The following CDK6 variants were observed in gnomAD, a reference collection of about 807,000 sequenced individuals.
CDK6 encodes the protein cyclin-dependent kinase 6.
In CDK6, 6 loss-of-function variants were observed where a neutral mutation model predicts 37.1. The observed-to-expected ratio is 0.16, with a 90% CI of 0.09 to 0.32. The LOEUF is 0.32. CDK6 is among the 10% of genes least tolerant of loss of function. The pLI is 1.00. For synonymous variants in CDK6, 160 were observed against 161.3 expected, an observed-to-expected ratio of 0.99 and a Z score of 0.06; for missense variants, 224 against 418.9, an observed-to-expected ratio of 0.53 and a Z score of 4.06.
rs534565245 is a variant in CDK6, at chr7:92,727,355, T to C, written c.370-1562A>G. 2.0e-5 allele frequency among the ~76,000 whole-genome samples: 3 copies of C among 152,264 alleles called. No homozygotes were observed. In the East Asian group the frequency reaches 5.8e-4, roughly 29 times the overall value. ...AGTATATTTGGTTACTGGTTTATGG[T>C]TTTGGTTCTTCCTTTAGAGTTCGGA... On this transcript the variant is annotated intron_variant, in intron 3 of 7. Coordinates refer to ENST00000424848, the MANE Select transcript of CDK6 (RefSeq NM_001145306.2).
At chr7:92,723,432 G>A (rs534459234) in intron 4 of CDK6, among the ~76,000 whole-genome samples, 1 of 152,178 alleles carries the variant, frequency 6.6e-6, no homozygotes, top group South Asian at 2.1e-4. Flanking sequence ...GTATTTCCAG[G>A]AAGAGGAGTG....
At position 92,632,462 on chromosome 7, in the gene CDK6, TA is replaced by T. The variant is rs1212235075; in HGVS notation, c.648-9377del. Among the ~76,000 whole-genome samples the T allele has an allele frequency of 5.3e-5, 8 of 152,262 alleles. No homozygotes were observed. The East Asian group carries it at 1.5e-3, about 29-fold the overall frequency. ...AAGACTGATTTTCTCATTTTTTCCT[TA>T]AAAAATTATAATGTGCTCAACATAT... On this transcript the variant is annotated intron_variant, in intron 5 of 7. Coordinates refer to ENST00000424848, the MANE Select transcript of CDK6 (RefSeq NM_001145306.2).
intron 2 of CDK6, among the ~76,000 whole-genome samples, chr7:92,784,134 T>C (rs753997351): frequency 1.2e-4 from 18 of 152,118 alleles, no homozygotes; most frequent in African/African-American, 3.4e-4. Context: ...AAATGCGATT[T>C]GTTGTCTTGC....
At chr7:92,780,912 T>G (rs937289295) in intron 2 of CDK6, among the ~76,000 whole-genome samples, 1 of 152,154 alleles carries the variant, frequency 6.6e-6, no homozygotes, top group African/African-American at 2.4e-5. Flanking sequence ...TTTTAAAAAT[T>G]TTTGCTAATC....
chr7:92,730,539 A>G (rs987164024), intron 3 of CDK6, among the ~76,000 whole-genome samples: 1 of 151,996 alleles, frequency 6.6e-6, no homozygotes, highest in African/African-American at 2.4e-5. Flanking sequence ...CTCCCCATGT[A>G]CCCCTCCCCT....
intron 5 of CDK6, among the ~76,000 whole-genome samples, chr7:92,630,638 G>C (rs1437094253): frequency 6.6e-6 from 1 of 152,128 alleles, no homozygotes; most frequent in Admixed American, 6.6e-5. Context: ...AATCACTCCT[G>C]TCACTATGGG....
At chr7:92,817,670 G>T (rs1343512869) in intron 2 of CDK6, among the ~76,000 whole-genome samples, 4 of 151,462 alleles carry the variant, frequency 2.6e-5, no homozygotes, top group African/African-American at 4.9e-5. Context: ...GAAAGGAAAA[G>T]AAATAAAAGA....
rs749600780 is a variant in CDK6, at chr7:92,835,465, CT to C, written c.-368+1012del. Among the ~76,000 whole-genome samples the C allele has an allele frequency of 1.2e-4, 19 of 152,254 alleles. No individual in the cohort carries two copies. The highest frequency in any genetic ancestry group is 5.8e-4 in the East Asian group (3 of 5,180). ...GGGAGCAGCAATGCCTTTTCCCCCC[CT>C]CTCCTCCACTTTTTTTTGTTGTTGT... On this transcript the variant is annotated intron_variant, in intron 1 of 7. Transcript: ENST00000424848. The surrounding 1 kb of genome is among the most constrained non-coding windows in gnomAD (Gnocchi z 4.2).
At chr7:92,828,019 T>C (rs1801372674) in intron 2 of CDK6, among the ~76,000 whole-genome samples, 1 of 152,150 alleles carries the variant, frequency 6.6e-6, no homozygotes, top group South Asian at 2.1e-4. Context: ...TAATATTTCA[T>C]TCATCAGACA....
chr7:92,807,012 C>A (rs901782059), intron 2 of CDK6, among the ~76,000 whole-genome samples: 1 of 152,146 alleles, frequency 6.6e-6, no homozygotes, highest in African/African-American at 2.4e-5. Context: ...GAAGTTGTAG[C>A]TTATACCAAT....
At chr7:92,685,178 C>A (rs1797420437) in intron 4 of CDK6, among the ~76,000 whole-genome samples, 1 of 152,172 alleles carries the variant, frequency 6.6e-6, no homozygotes, top group Admixed American at 6.5e-5. Context: ...TATATACATT[C>A]ATTTGCTCTT....
At chr7:92,755,204 A>G (rs1799284060) in intron 3 of CDK6, among the ~76,000 whole-genome samples, 2 of 152,242 alleles carry the variant, frequency 1.3e-5, no homozygotes, top group South Asian at 4.1e-4. Context: ...CTAACAGGAA[A>G]GACACATTGC....
chr7:92,639,082 T>C (rs1796241186), intron 5 of CDK6, among the ~76,000 whole-genome samples: 1 of 152,172 alleles, frequency 6.6e-6, no homozygotes, highest in African/African-American at 2.4e-5. Context: ...ATCCACTTAA[T>C]ATTTCATTCA....
chr7:92,613,206 G>A lies in CDK6; in HGVS notation c.*1934C>T. Reference sequence around the variant, plus strand: ...TCCCAACCCCAAAAGCTCTTCAGGAGAAACATCTCCTAGTTTTTTCTCTTG... The same window carrying A: ...TCCCAACCCCAAAAGCTCTTCAGGAAAAACATCTCCTAGTTTTTTCTCTTG... On this transcript the variant is annotated 3_prime_UTR_variant, in exon 8 of 8. Transcript: ENST00000424848. 1 of 233,218 alleles carries A rather than the reference G, an allele frequency of 4.3e-6. No individual in the cohort carries two copies. Among genetic ancestry groups the A allele is most frequent in the Non-Finnish European group, 8.5e-6 (1 of 118,032 alleles). 14.4% of individuals were successfully genotyped at this position (233,218 alleles called of 1,614,324 possible).
chr7:92,755,342 C>T (rs1458218339), intron 3 of CDK6, among the ~76,000 whole-genome samples: 3 of 151,514 alleles, frequency 2.0e-5, no homozygotes, highest in African/African-American at 4.8e-5. Flanking sequence ...TTTTTTTTAA[C>T]GGTCATTTCC....
intron 2 of CDK6, among the ~76,000 whole-genome samples, chr7:92,801,032 AATCTGTTTT>A (rs1246164724): frequency 6.6e-6 from 1 of 152,200 alleles, no homozygotes; most frequent in Non-Finnish European, 1.5e-5. Flanking sequence ...AAAGCTTCCA[AATCTGTTTT>A]ACCTTTACAA....
intron 2 of CDK6, among the ~76,000 whole-genome samples, chr7:92,797,312 T>C (rs1584098810): frequency 6.6e-6 from 1 of 152,172 alleles, no homozygotes. Flanking sequence ...CAGACAAGCA[T>C]GCAAGGGAGA....
At chr7:92,734,105 A>G (rs543205543) in intron 3 of CDK6, among the ~76,000 whole-genome samples, 16 of 152,330 alleles carry the variant, frequency 1.1e-4, no homozygotes, top group African/African-American at 3.8e-4. Context: ...ATTTTTAAAA[A>G]TTGATAAATT....
At chr7:92,818,938 G>T (rs1383816853) in intron 2 of CDK6, among the ~76,000 whole-genome samples, 1 of 152,024 alleles carries the variant, frequency 6.6e-6, no homozygotes, top group African/African-American at 2.4e-5. Flanking sequence ...GTTCAGGAGG[G>T]TGCAAATCAA....
Sources: allele counts gnomAD v4.1 joint callset (sites outside exome capture counted in the v4.1 genomes callset), GRCh38; gene constraint gnomAD v4.1.1; non-coding constraint Gnocchi (gnomAD v3.1); transcripts MANE v1.5; gene names NCBI Gene and HGNC (gene_info 2026-07-23, HGNC 2026-07-21).